Variants in CERS6 observed in about 807,000 individuals in gnomAD.
CERS6 encodes ceramide synthase 6.
CERS6 carries 26 observed loss-of-function variants against 56.8 expected under a neutral mutation model. The observed-to-expected ratio is 0.46, with a 90% confidence interval of 0.34 to 0.63. The LOEUF (loss-of-function observed/expected upper bound fraction) is 0.63, where lower values mean the gene tolerates loss of function less well. Ranked by LOEUF, CERS6 falls within the 30% of genes least tolerant of loss-of-function variation. CERS6 has a pLI of 0.01. For missense variants in CERS6, 415 were observed against 467.5 expected, an observed-to-expected ratio of 0.89 and a Z score of 1.04; for synonymous variants, 164 against 173.3, an observed-to-expected ratio of 0.95 and a Z score of 0.42.
chr2:168,541,715 G>C (rs1425236660), intron 1 of CERS6, among the ~76,000 whole-genome samples: 2 of 152,176 alleles, frequency 1.3e-5, no homozygotes, highest in Non-Finnish European at 2.9e-5. Context: ...TGTCATGCTT[G>C]CAGTGGACAG....
intron 3 of CERS6, among the ~76,000 whole-genome samples, chr2:168,574,840 T>G (rs1302632914): frequency 6.6e-6 from 1 of 152,226 alleles, no homozygotes; most frequent in Non-Finnish European, 1.5e-5. Flanking sequence ...CCCAAATGTT[T>G]GAAGGTATAA....
chr2:168,658,319 C>T (rs1685543774), intron 4 of CERS6, among the ~76,000 whole-genome samples: 1 of 152,134 alleles, frequency 6.6e-6, no homozygotes, highest in African/African-American at 2.4e-5. Flanking sequence ...ATTTCGGCTC[C>T]CCGGCCTGGT....
At chr2:168,527,582 G>A (rs1482810989) in intron 1 of CERS6, among the ~76,000 whole-genome samples, 1 of 152,116 alleles carries the variant, frequency 6.6e-6, no homozygotes, top group African/African-American at 2.4e-5. Flanking sequence ...GGCGGGTGTG[G>A]TGGCTAGTAA....
At chr2:168,695,717 A>C (rs1467490458) in intron 6 of CERS6, among the ~76,000 whole-genome samples, 1 of 152,188 alleles carries the variant, frequency 6.6e-6, no homozygotes, top group Non-Finnish European at 1.5e-5. Flanking sequence ...ATTTGGGTGC[A>C]ACAGAGTTCT....
chr2:168,692,782 C>T (rs1559054636), intron 5 of CERS6, among the ~76,000 whole-genome samples: 1 of 152,054 alleles, frequency 6.6e-6, no homozygotes, highest in African/African-American at 2.4e-5. Flanking sequence ...AACTAAACAG[C>T]ATATAATTAT....
intron 8 of CERS6, among the ~76,000 whole-genome samples, chr2:168,738,722 T>C (rs1683789934): frequency 6.6e-6 from 1 of 152,162 alleles, no homozygotes; most frequent in South Asian, 2.1e-4. Context: ...GTAAAAAGCT[T>C]AGGCACAGGG....
At chr2:168,554,465 A>C (rs568730836) in intron 2 of CERS6, among the ~76,000 whole-genome samples, 2 of 152,332 alleles carry the variant, frequency 1.3e-5, no homozygotes, top group East Asian at 3.9e-4. Context: ...CCGGGTGTCC[A>C]TATACAAACG....
At chr2:168,608,990 G>T (rs561237300) in intron 3 of CERS6, among the ~76,000 whole-genome samples, 3 of 152,210 alleles carry the variant, frequency 2.0e-5, no homozygotes, top group Non-Finnish European at 4.4e-5. Context: ...CACCTCTTTA[G>T]ATAGTTTGAA....
At chr2:168,627,136 C>G (rs545154168) in intron 3 of CERS6, among the ~76,000 whole-genome samples, 11 of 152,126 alleles carry the variant, frequency 7.2e-5, no homozygotes, top group Non-Finnish European at 1.2e-4. Flanking sequence ...GAAATTTTCC[C>G]GTAAGAATGA....
At chr2:168,517,206 CAG>C (rs1694897969) in intron 1 of CERS6, among the ~76,000 whole-genome samples, 1 of 151,526 alleles carries the variant, frequency 6.6e-6, no homozygotes, top group East Asian at 2.0e-4. Context: ...TAAAAACAAG[CAG>C]AGGCCGGGCA....
intron 1 of CERS6, among the ~76,000 whole-genome samples, chr2:168,513,583 G>A (rs80293577): frequency 6.6e-6 from 1 of 152,258 alleles, no homozygotes; most frequent in African/African-American, 2.4e-5. Context: ...AGACCACAGA[G>A]GTGACATGCC....
At chr2:168,602,454 TAA>T (rs780519392) in intron 3 of CERS6, among the ~76,000 whole-genome samples, 2 of 152,226 alleles carry the variant, frequency 1.3e-5, no homozygotes, top group South Asian at 4.1e-4. Context: ...TAATAAATTT[TAA>T]AAAATCACCC....
chr2:168,646,349 A>T (rs1418849027), intron 4 of CERS6, among the ~76,000 whole-genome samples: 1 of 152,086 alleles, frequency 6.6e-6, no homozygotes, highest in Non-Finnish European at 1.5e-5. Flanking sequence ...TTCTTTTGAA[A>T]AGTGCCTGTT....
chr2:168,665,997 T>G (rs1685751881), intron 4 of CERS6, among the ~76,000 whole-genome samples: 1 of 148,780 alleles, frequency 6.7e-6, no homozygotes, highest in African/African-American at 2.5e-5. Context: ...TGTGTAGTTT[T>G]AGGTTTAGAG....
At chr2:168,548,403 G>A (rs1049253558) in intron 2 of CERS6, among the ~76,000 whole-genome samples, 5 of 152,144 alleles carry the variant, frequency 3.3e-5, no homozygotes, top group African/African-American at 1.2e-4. Flanking sequence ...CAAAGAGGGA[G>A]GAGAAAGCTG....
In CERS6 at chr2:168,623,957, G is replaced by T. The variant is rs187444568; in HGVS notation, c.408-7028G>T. On this transcript the variant is annotated intron_variant, in intron 3 of 9. Coordinates refer to ENST00000305747, the MANE Select transcript of CERS6 (RefSeq NM_203463.3). ...ATGGGTCTTCTATCTGTAGAATAAG[G>T]TCATAGATGGGCTCTTAGGGACCCT... Among the ~76,000 whole-genome samples the T allele has an allele frequency of 6.4e-4, 97 of 152,242 alleles. 1 individual carries two copies. In the East Asian group the frequency reaches 0.016, roughly 25 times the overall value.
At chr2:168,575,064 T>C (rs1683225995) in intron 3 of CERS6, among the ~76,000 whole-genome samples, 1 of 152,336 alleles carries the variant, frequency 6.6e-6, no homozygotes, top group Admixed American at 6.5e-5. Flanking sequence ...GGGAGGTTTC[T>C]ATCTTAGGCC....
chr2:168,638,515 T>C (rs1451588505), intron 4 of CERS6, among the ~76,000 whole-genome samples: 1 of 151,882 alleles, frequency 6.6e-6, no homozygotes, highest in Non-Finnish European at 1.5e-5. Context: ...TAAACAAAAA[T>C]TCAATTCAGG....
intron 3 of CERS6, among the ~76,000 whole-genome samples, chr2:168,561,826 C>T (rs536763537): frequency 3.3e-5 from 5 of 152,236 alleles, no homozygotes; most frequent in African/African-American, 9.6e-5. Flanking sequence ...ATTGAAGTCT[C>T]TTCCATCTCT....
Sources: allele counts gnomAD v4.1 joint callset (sites outside exome capture counted in the v4.1 genomes callset), GRCh38; gene constraint gnomAD v4.1.1; transcripts MANE v1.5; gene names NCBI Gene and HGNC (gene_info 2026-07-23, HGNC 2026-07-21).